The following TRPM3 variants were observed in gnomAD, a reference collection of about 807,000 sequenced individuals.
The protein encoded by TRPM3 is transient receptor potential cation channel subfamily M member 3, also known as long transient receptor potential channel 3.
A neutral mutation model predicts 181.2 loss-of-function variants in TRPM3; 77 were observed. The observed-to-expected ratio is 0.42, with a 90% CI of 0.35 to 0.51. The LOEUF is 0.51. Ranked by LOEUF, TRPM3 falls within the 20% of genes least tolerant of loss-of-function variation. TRPM3 has a pLI of 0.01. For missense variants in TRPM3, 1,759 were observed against 2,196.7 expected (o/e 0.80, Z 3.98); for synonymous variants, 745 against 796.4 (o/e 0.94, Z 1.09).
At chr9:71,133,973 TTGTGTGTG>T (rs72198070) in intron 1 of TRPM3, among the ~76,000 whole-genome samples, 9,072 of 148,450 alleles carry the variant, frequency 0.061, 444 homozygotes, top group African/African-American at 0.12. Flanking sequence ...CTGTGTGTGT[TTGTGTGTG>T]TGTGTGTGTG....
intron 1 of TRPM3, among the ~76,000 whole-genome samples, chr9:71,141,608 G>T (rs867897472): frequency 6.6e-6 from 1 of 152,152 alleles, no homozygotes; most frequent in African/African-American, 2.4e-5. Flanking sequence ...TTGAGCTAAT[G>T]TGATTATCTG....
intron 1 of TRPM3, among the ~76,000 whole-genome samples, chr9:71,209,149 T>C (rs921431996): frequency 8.5e-5 from 13 of 152,112 alleles, no homozygotes; most frequent in African/African-American, 2.7e-4. Context: ...TGTACCATGA[T>C]TGCTAAAAGT....
intron 1 of TRPM3, among the ~76,000 whole-genome samples, chr9:70,903,949 T>C (rs986491324): frequency 1.4e-5 from 2 of 146,140 alleles, no homozygotes; most frequent in Non-Finnish European, 3.0e-5. Flanking sequence ...TTTTTTAAAA[T>C]AAAAAAAAAA....
chr9:71,220,043 G>A (rs1021673983), intron 1 of TRPM3, among the ~76,000 whole-genome samples: 3 of 152,078 alleles, frequency 2.0e-5, no homozygotes, highest in Non-Finnish European at 4.4e-5. Context: ...TTGATATCAG[G>A]TCCCCATTGT....
rs866174499 is a variant in TRPM3 at position 70,938,969 on chromosome 9, T to A, written c.178-74458A>T. ...CGAGACTCCGTCTCAAAAAAAAAAATAAAAATAAAAAATAAAAAAATAAAA... is the reference window on the plus strand; with the variant it reads ...CGAGACTCCGTCTCAAAAAAAAAAAAAAAAATAAAAAATAAAAAAATAAAA... On this transcript the variant is annotated intron_variant, in intron 1 of 25. Transcript: ENST00000677713. 6.3e-3 allele frequency among the ~76,000 whole-genome samples: 938 copies of A among 149,802 alleles called. 5 individuals are homozygous for A. Among genetic ancestry groups the A allele is most frequent in the Middle Eastern group, 0.024 (7 of 290 alleles).
chr9:70,804,409 A>C (rs1295269204), intron 6 of TRPM3, among the ~76,000 whole-genome samples: 2 of 152,178 alleles, frequency 1.3e-5, no homozygotes, highest in Non-Finnish European at 2.9e-5. Flanking sequence ...CTTATAAACC[A>C]CTGCTTTTGA....
chr9:70,837,060 G>T (rs548614090), intron 5 of TRPM3, among the ~76,000 whole-genome samples: 3 of 152,276 alleles, frequency 2.0e-5, no homozygotes, highest in Middle Eastern at 3.4e-3. Context: ...AATTATAACA[G>T]ATTTGGGCGG....
intron 9 of TRPM3, among the ~76,000 whole-genome samples, chr9:70,657,562 T>G (rs1459607535): frequency 6.6e-6 from 1 of 152,154 alleles, no homozygotes; most frequent in Admixed American, 6.6e-5. Context: ...GATTTTATGG[T>G]TTATTGAAAC....
intron 1 of TRPM3, among the ~76,000 whole-genome samples, chr9:70,873,908 TG>T (rs1470801893): frequency 2.0e-5 from 3 of 151,958 alleles, no homozygotes; most frequent in Non-Finnish European, 2.9e-5. Flanking sequence ...TATCATTATT[TG>T]GGGGGTATCA....
intron 9 of TRPM3, among the ~76,000 whole-genome samples, chr9:70,675,412 T>C (rs1163572487): frequency 6.6e-6 from 1 of 152,216 alleles, no homozygotes; most frequent in Non-Finnish European, 1.5e-5. Flanking sequence ...ATTTTTAAAT[T>C]ATTTTATAAT....
intron 1 of TRPM3, among the ~76,000 whole-genome samples, chr9:71,299,051 C>T (rs1200655274): frequency 6.6e-6 from 1 of 151,870 alleles, no homozygotes; most frequent in Non-Finnish European, 1.5e-5. Flanking sequence ...ACCTAGAAAA[C>T]ATTTTTTCTA....
At chr9:70,893,383 C>T (rs565439695) in intron 1 of TRPM3, among the ~76,000 whole-genome samples, 68 of 152,164 alleles carry the variant, frequency 4.5e-4, no homozygotes, top group African/African-American at 1.4e-3. Context: ...ATAGGGCTCT[C>T]ATTAGGTTCA....
At chr9:71,296,447 G>T (rs554456469) in intron 1 of TRPM3, among the ~76,000 whole-genome samples, 1 of 152,234 alleles carries the variant, frequency 6.6e-6, no homozygotes, top group East Asian at 1.9e-4. Context: ...ACAAAGAAGG[G>T]ATCAGCCTTA....
At chr9:70,571,912 G>A (rs944001659) in intron 22 of TRPM3, among the ~76,000 whole-genome samples, 1 of 152,140 alleles carries the variant, frequency 6.6e-6, no homozygotes, top group African/African-American at 2.4e-5. Context: ...TGCCAGCAAT[G>A]TCTCTCTGCC....
rs2096452264 is a variant in TRPM3 at position 70,905,548 on chromosome 9, T to G, written c.178-41037A>C. 2.0e-5 allele frequency among the ~76,000 whole-genome samples: 3 copies of G among 152,340 alleles called. No individual in the cohort carries two copies. In the South Asian group the frequency reaches 6.2e-4, roughly 32 times the overall value. ...TTCAAAATAAAATATATTTAGTTATTCTGAAGAGTAACATACTACTGTATA... is the reference window on the plus strand; with the variant it reads ...TTCAAAATAAAATATATTTAGTTATGCTGAAGAGTAACATACTACTGTATA... On this transcript the variant is annotated intron_variant, in intron 1 of 25. Transcript: ENST00000677713.
intron 7 of TRPM3, among the ~76,000 whole-genome samples, chr9:70,782,093 A>G (rs1042061979): frequency 1.3e-5 from 2 of 152,222 alleles, no homozygotes; most frequent in African/African-American, 4.8e-5. Context: ...TTTGCAAACT[A>G]AAAAGTAAGA....
At chr9:70,743,449 A>G (rs1444402825) in intron 8 of TRPM3, among the ~76,000 whole-genome samples, 1 of 152,192 alleles carries the variant, frequency 6.6e-6, no homozygotes, top group Non-Finnish European at 1.5e-5. Context: ...CATATCTCGG[A>G]AAACAAAAAG....
chr9:70,939,922 C>A (rs2096869147), intron 1 of TRPM3, among the ~76,000 whole-genome samples: 1 of 152,170 alleles, frequency 6.6e-6, no homozygotes, highest in African/African-American at 2.4e-5. Flanking sequence ...AAGACAGATT[C>A]TCCATGGTTA....
intron 1 of TRPM3, among the ~76,000 whole-genome samples, chr9:71,308,713 G>A (rs893788287): frequency 5.3e-5 from 8 of 151,972 alleles, no homozygotes; most frequent in African/African-American, 1.2e-4. Flanking sequence ...AAAAATGGAC[G>A]ATGAAACCAC....
Sources: gnomAD v4.1 joint callset for allele counts (sites outside exome capture counted in the v4.1 genomes callset) on GRCh38, gnomAD v4.1.1 for gene constraint, MANE v1.5 for transcripts, NCBI Gene and HGNC (gene_info 2026-07-23, HGNC 2026-07-21) for gene names.